CNDP2: variants seen among roughly 807,000 people sequenced by gnomAD.
CNDP2 encodes the protein carnosine dipeptidase 2, also known as cytosolic non-specific dipeptidase.
Under a neutral mutation model 55.0 loss-of-function variants are expected in CNDP2, and 38 were observed. That is an observed-to-expected ratio of 0.69 (90% CI 0.53 to 0.90). The LOEUF is 0.90. Ranked by LOEUF, CNDP2 falls within the 40% of genes least tolerant of loss-of-function variation. The probability of loss-of-function intolerance (pLI) is 0.00; values close to 1 mark genes in which losing one functional copy is unlikely to be tolerated. For missense variants in CNDP2, 607 were observed against 621.7 expected, an observed-to-expected ratio of 0.98 and a Z score of 0.25; for synonymous variants, 241 against 260.2, an observed-to-expected ratio of 0.93 and a Z score of 0.71.
At chr18:74,505,720 T>C (rs1386507284) in intron 3 of CNDP2, 129 bp from the exon 4 acceptor site, 2 of 990,142 alleles carry the variant, frequency 2.0e-6, no homozygotes, top group African/African-American at 3.4e-5. Context: ...AGTGTGCTCT[T>C]AAACTCTACA....
chr18:74,500,760 T>C (rs1978645370), intron 2 of CNDP2, among the ~76,000 whole-genome samples: 1 of 152,230 alleles, frequency 6.6e-6, no homozygotes, highest in Non-Finnish European at 1.5e-5. Context: ...GCTACTGCCT[T>C]AAAATCCGAG....
chr18:74,498,828 T>G (rs1978538699), intron 1 of CNDP2, among the ~76,000 whole-genome samples: 1 of 152,030 alleles, frequency 6.6e-6, no homozygotes, highest in African/African-American at 2.4e-5. Context: ...GTGGCTAGTG[T>G]TTGAAGAGGA....
intron 4 of CNDP2, among the ~76,000 whole-genome samples, chr18:74,506,833 G>A (rs1003386093): frequency 2.0e-5 from 3 of 152,186 alleles, no homozygotes; most frequent in African/African-American, 7.2e-5. Flanking sequence ...GTTCCTTCTG[G>A]TGTAAAGGCC....
intron 8 of CNDP2, among the ~76,000 whole-genome samples, chr18:74,515,629 GGGATGCA>G (rs1979620999): frequency 6.6e-6 from 1 of 152,216 alleles, no homozygotes; most frequent in East Asian, 1.9e-4. Flanking sequence ...TGCTACTGCA[GGGATGCA>G]GGGGGCGGGG....
intron 11 of CNDP2, 124 bp from the exon 12 acceptor site, chr18:74,519,875 A>T: frequency 1.2e-6 from 1 of 805,064 alleles, no homozygotes; most frequent in Non-Finnish European, 2.0e-6. Flanking sequence ...AGGGCCCCCA[A>T]GCTGGGATGG....
At position 74,521,670 on chromosome 18, in the gene CNDP2, T is replaced by C. The variant is rs192834890; in HGVS notation, c.*1602T>C. ...ACAACAATCCATGAGTCCATACTAA[T>C]ATAAATAAAGTGACAAAGTGGGTGA... On this transcript the variant is annotated 3_prime_UTR_variant, in exon 12 of 12. Coordinates refer to ENST00000324262, the MANE Select transcript of CNDP2 (RefSeq NM_018235.3). 4.6e-5 allele frequency: 7 copies of C among 152,300 alleles called. No homozygotes were observed. The East Asian group carries it at 5.8e-4, about 13-fold the overall frequency. The allele number at this position is 152,300 out of a possible 1,614,324, so 9.4% of individuals were successfully genotyped here. A position where few individuals can be genotyped will look rare whatever the true frequency, so the allele number is the denominator to read the frequency against.
At chr18:74,518,128 G>T (rs192314547) in intron 9 of CNDP2, 10 of 159,504 alleles carry the variant, frequency 6.3e-5, no homozygotes, top group Admixed American at 1.8e-4. Context: ...GGGTGTGGTG[G>T]CGGGCGCCTG....
chr18:74,517,208 G>A (rs1979727435), intron 9 of CNDP2: 1 of 152,122 alleles, frequency 6.6e-6, no homozygotes, highest in South Asian at 2.1e-4. Context: ...GTCTAAATAA[G>A]GTTTAGAAAG....
chr18:74,497,463 GC>G (rs1385669198), intron 1 of CNDP2: 1 of 152,182 alleles, frequency 6.6e-6, no homozygotes, highest in African/African-American at 2.4e-5. Context: ...AATTTCTCCT[GC>G]CCTCCACTAG....
intron 2 of CNDP2, chr18:74,501,116 A>C: frequency 9.1e-7 from 1 of 1,097,800 alleles, no homozygotes; most frequent in African/African-American, 1.6e-5. Flanking sequence ...TGAGTGTAAA[A>C]CAATATGAGA....
intron 1 of CNDP2, among the ~76,000 whole-genome samples, chr18:74,498,457 G>A (rs1178667658): frequency 2.0e-5 from 3 of 152,112 alleles, no homozygotes; most frequent in South Asian, 2.1e-4. Flanking sequence ...TATGTGGCAC[G>A]TGACTATATT....
At chr18:74,508,235 G>C (rs933270231) in intron 4 of CNDP2, 5 of 152,908 alleles carry the variant, frequency 3.3e-5, no homozygotes, top group African/African-American at 9.6e-5. Flanking sequence ...TGTGTTGTCA[G>C]CTTCCCCAGA....
Position 74,516,359 on chromosome 18 carries a change from G to A in CNDP2, c.1035G>A (p.Val345=). The change falls in exon 9 of 12, where the codon GTG becomes GTA. Residue 345 remains valine (V), a synonymous_variant. Coordinates refer to ENST00000324262, the MANE Select transcript of CNDP2 (RefSeq NM_018235.3). ...TTGGCAAGTTCTCCATCAGGCTCGT[G>A]CCGAACATGACTCCTGAAGTCGTCG... is the stretch of plus-strand genomic sequence containing the variant. ...KVVGKFSIRL[V]PNMTPEVVGE... is the part of the protein sequence containing the mutation. 6.2e-7 allele frequency: 1 copy of A among 1,613,724 alleles called. No homozygotes were observed. The highest frequency in any genetic ancestry group is 8.5e-7 in the Non-Finnish European group (1 of 1,179,788).
chr18:74,502,488 G>GTTTTA (rs1978763701), intron 3 of CNDP2, among the ~76,000 whole-genome samples: 30 of 148,010 alleles, frequency 2.0e-4, no homozygotes, highest in Middle Eastern at 3.6e-3. Flanking sequence ...TTTTTTTGTC[G>GTTTTA]GGATGGGGTT....
intron 9 of CNDP2, chr18:74,516,670 C>A: frequency 2.7e-6 from 1 of 364,902 alleles, no homozygotes; most frequent in Non-Finnish European, 5.0e-6. Flanking sequence ...TTGGACCAAG[C>A]GTGTTCTGGT....
chr18:74,504,551 A>C (rs1978905266), intron 3 of CNDP2, among the ~76,000 whole-genome samples: 1 of 152,252 alleles, frequency 6.6e-6, no homozygotes, highest in Non-Finnish European at 1.5e-5. Context: ...TCAGCCTATC[A>C]CCAGCACTGT....
At chr18:74,510,610 C>G (rs1979287928) in intron 5 of CNDP2, among the ~76,000 whole-genome samples, 1 of 152,220 alleles carries the variant, frequency 6.6e-6, no homozygotes, top group Non-Finnish European at 1.5e-5. Flanking sequence ...AGAGCCCCAC[C>G]TTGCGAGACT....
chr18:74,497,799 A>C (rs963615698), intron 1 of CNDP2: 2 of 152,102 alleles, frequency 1.3e-5, no homozygotes, highest in Admixed American at 1.3e-4. Flanking sequence ...TAAATAAATA[A>C]AGTTACTCCG....
chr18:74,523,372 G>A lies in CNDP2; in HGVS notation c.*3304G>A, dbSNP rs560384460. The A allele has an allele frequency of 1.1e-4, 17 of 152,274 alleles. No individual in the cohort carries two copies. Among genetic ancestry groups the A allele is most frequent in the Admixed American group, 4.6e-4 (7 of 15,296 alleles). 9.4% of individuals were successfully genotyped at this position (152,274 alleles called of 1,614,324 possible). ...GACCCCTTTGCAAAGTATGAAGAACGGTTCCCACTCATGCATGGAGCTGGA... is the reference window on the plus strand; with the variant it reads ...GACCCCTTTGCAAAGTATGAAGAACAGTTCCCACTCATGCATGGAGCTGGA... On this transcript the variant is annotated 3_prime_UTR_variant, in exon 12 of 12. Transcript: ENST00000324262.
Sources: gnomAD v4.1 joint callset for allele counts (sites outside exome capture counted in the v4.1 genomes callset) on GRCh38, gnomAD v4.1.1 for gene constraint, MANE v1.5 for transcripts, NCBI Gene and HGNC (gene_info 2026-07-23, HGNC 2026-07-21) for gene names.